TNPO3: variants seen among roughly 807,000 people sequenced by gnomAD.
TNPO3 encodes the protein transportin-3.
In TNPO3, 65 loss-of-function variants were observed where a neutral mutation model predicts 122.8. That is an observed-to-expected ratio of 0.53 (90% CI 0.43 to 0.65). TNPO3 has a LOEUF of 0.65. TNPO3 is among the 30% of genes least tolerant of loss of function. The pLI is 0.00. For missense variants in TNPO3, 850 were observed against 1,136.7 expected (o/e 0.75, Z 3.63); for synonymous variants, 372 against 411.2 (o/e 0.90, Z 1.15).
rs542470469 is a variant in TNPO3, at chr7:129,026,264, C to CA, written c.121-8108dup. 3.8e-3 allele frequency among the ~76,000 whole-genome samples: 583 copies of CA among 151,920 alleles called. 5 individuals carry two copies. Among genetic ancestry groups the CA allele is most frequent in the African/African-American group, 0.013 (544 of 41,452 alleles). On this transcript the variant is annotated intron_variant, in intron 1 of 22. Transcript: ENST00000265388. The stretch of plus-strand genomic sequence containing the variant: ...AGACCTCAAAAATGAAGGGCAGAAG[C>CA]AAAAAAACAAAACAATTACTTGCCC...
chr7:128,981,147 A>T (rs562705632), intron 14 of TNPO3, among the ~76,000 whole-genome samples: 2 of 152,344 alleles, frequency 1.3e-5, no homozygotes, highest in South Asian at 4.1e-4. Context: ...AGGTTCTCAG[A>T]ATAGCATGTT....
Position 129,001,145 on chromosome 7 carries a change from G to C in TNPO3, c.786C>G (p.Asn262Lys). 1 of 1,614,146 alleles carries C rather than the reference G, an allele frequency of 6.2e-7. No individual in the cohort carries two copies. The highest frequency in any genetic ancestry group is 8.5e-7 in the Non-Finnish European group (1 of 1,180,014). ...GAAAAAGTTGCATGGCTAATGGCAA[G>C]TTAGTCTCCACATTCTCAATGGCAT... ...ALYAIENVETNLPLAMQLFQG... is the reference protein window; with the variant it reads ...ALYAIENVETKLPLAMQLFQG... The change falls in exon 6 of 23, where the codon AAC (asparagine) becomes AAG (lysine). Residue 262 changes from asparagine (N) to lysine (K), a missense_variant. Physicochemically the swap from Asn to Lys is moderately conservative, Grantham distance 94. Transcript: ENST00000265388.
chr7:129,040,121 G>A (rs1807187339), intron 1 of TNPO3, among the ~76,000 whole-genome samples: 1 of 152,002 alleles, frequency 6.6e-6, no homozygotes, highest in African/African-American at 2.4e-5. Context: ...CGGGCGTGGT[G>A]GTGCACACTT....
rs549849007 is a variant in TNPO3 at position 129,030,765 on chromosome 7, T to C, written c.121-12608A>G. 9.2e-5 allele frequency among the ~76,000 whole-genome samples: 14 copies of C among 152,280 alleles called. No homozygotes were observed. The South Asian group carries it at 1.4e-3, about 16-fold the overall frequency. On this transcript the variant is annotated intron_variant, in intron 1 of 22. Coordinates refer to ENST00000265388, the MANE Select transcript of TNPO3 (RefSeq NM_012470.4). ...GAAGACTAGGATATAGGTCACACAT[T>C]ATATATGTTCCTATGGAAACTATTT...
At chr7:129,008,019 C>G (rs1233587290) in intron 4 of TNPO3, among the ~76,000 whole-genome samples, 1 of 151,754 alleles carries the variant, frequency 6.6e-6, no homozygotes, top group African/African-American at 2.4e-5. Flanking sequence ...TGTGGTGGCA[C>G]GCACCTGTAA....
intron 14 of TNPO3, among the ~76,000 whole-genome samples, chr7:128,981,293 T>C (rs1799601498): frequency 1.3e-5 from 2 of 152,204 alleles, no homozygotes; most frequent in Non-Finnish European, 2.9e-5. Context: ...TACTATAACA[T>C]TCCAGTTATA....
chr7:128,957,143 G>T, intron 22 of TNPO3, 81 bp downstream of exon 22: 1 of 1,174,836 alleles, frequency 8.5e-7, no homozygotes. Flanking sequence ...TCCCATGATA[G>T]GCATTAAAAC....
intron 4 of TNPO3, among the ~76,000 whole-genome samples, chr7:129,008,892 C>G (rs1259419059): frequency 2.6e-5 from 4 of 152,212 alleles, no homozygotes; most frequent in Admixed American, 2.0e-4. Flanking sequence ...CTTGTACATT[C>G]TAACTATTGA....
At chr7:128,978,952 G>C in intron 16 of TNPO3, 31 bp downstream of exon 16, 1 of 1,612,308 alleles carries the variant, frequency 6.2e-7, no homozygotes, top group Non-Finnish European at 8.5e-7. Flanking sequence ...TCTGTACATG[G>C]AACACGTCCC....
At chr7:129,048,700 C>T (rs1420636750) in intron 1 of TNPO3, among the ~76,000 whole-genome samples, 1 of 150,952 alleles carries the variant, frequency 6.6e-6, no homozygotes, top group Non-Finnish European at 1.5e-5. Context: ...ATTAAAGGTG[C>T]TGAATATTGT....
chr7:128,963,470 T>C (rs773184418), intron 21 of TNPO3, among the ~76,000 whole-genome samples: 9 of 152,210 alleles, frequency 5.9e-5, no homozygotes, highest in Non-Finnish European at 2.9e-5. Context: ...AGAAGATTCA[T>C]AGTAAAAGCA....
chr7:128,992,097 A>T lies in TNPO3; in HGVS notation c.1267-7T>A. ...CTTTCAGAGTAGAATATAACTAGAGAAGAAGAGGTGGATTATGGATCCATT... is the reference window on the plus strand; with the variant it reads ...CTTTCAGAGTAGAATATAACTAGAGTAGAAGAGGTGGATTATGGATCCATT... On this transcript the variant is annotated splice_region_variant and splice_polypyrimidine_tract_variant and intron_variant, in intron 9 of 22. Transcript: ENST00000265388. 6.5e-7 allele frequency: 1 copy of T among 1,533,356 alleles called. No individual in the cohort carries two copies. The highest frequency in any genetic ancestry group is 8.9e-7 in the Non-Finnish European group (1 of 1,122,218). The allele number at this position is 1,533,356 out of a possible 1,614,324, so 95.0% of individuals were successfully genotyped here. A position where few individuals can be genotyped will look rare whatever the true frequency, so the allele number is the denominator to read the frequency against.
rs749607526 is a variant in TNPO3 at position 129,003,295 on chromosome 7, G to C, written c.696+1721C>G. 2.7e-3 allele frequency among the ~76,000 whole-genome samples: 213 copies of C among 79,924 alleles called. 1 individual carries two copies. The highest frequency in any genetic ancestry group is 4.5e-3 in the Non-Finnish European group (178 of 39,918). The allele number at this position is 79,924 out of a possible 152,430, so 52.4% of individuals were successfully genotyped here. ...TATATATGAAGTATTTTAATTTTTA[G>C]GGTTTTTTTTTTTTTTTTTTTTTAA... On this transcript the variant is annotated intron_variant, in intron 5 of 22. Coordinates refer to ENST00000265388, the MANE Select transcript of TNPO3 (RefSeq NM_012470.4).
chr7:128,958,385 C>T (rs980081899), intron 21 of TNPO3, among the ~76,000 whole-genome samples: 5 of 152,052 alleles, frequency 3.3e-5, no homozygotes, highest in South Asian at 2.1e-4. Context: ...CCTTGTGATC[C>T]GCCCGCCTCG....
At chr7:129,034,172 T>C (rs1208887049) in intron 1 of TNPO3, among the ~76,000 whole-genome samples, 26 of 152,236 alleles carry the variant, frequency 1.7e-4, no homozygotes, top group East Asian at 1.9e-4. Context: ...CACTAAAAGA[T>C]AAATACTGAA....
At chr7:128,985,615 A>G (rs1394803406) in intron 12 of TNPO3, among the ~76,000 whole-genome samples, 2 of 152,144 alleles carry the variant, frequency 1.3e-5, no homozygotes, top group Non-Finnish European at 2.9e-5. Flanking sequence ...AATAAATAAA[A>G]ATTGAAAACC....
rs748477746 is a variant in TNPO3 at position 128,986,754 on chromosome 7, T to C, written c.1665A>G (p.Pro555=). The change falls in exon 12 of 23, where the codon CCA becomes CCG. Residue 555 remains proline (P), a synonymous_variant. Transcript: ENST00000265388. The part of the protein sequence containing the change: ...ARSLDSFLLS[P]EAAVGLLKGT... Reference sequence around the variant, plus strand: ...CTTTTAGCAAGCCCACAGCAGCTTCTGGAGACAACAGGAAGGAATCGAGGG... The same window carrying C: ...CTTTTAGCAAGCCCACAGCAGCTTCCGGAGACAACAGGAAGGAATCGAGGG... 1.9e-6 allele frequency: 3 copies of C among 1,613,604 alleles called. No individual in the cohort carries two copies. In the Admixed American group the frequency reaches 5.0e-5, roughly 27 times the overall value.
At chr7:129,014,773 A>G (rs1049582766) in intron 4 of TNPO3, among the ~76,000 whole-genome samples, 2 of 152,214 alleles carry the variant, frequency 1.3e-5, no homozygotes, top group African/African-American at 4.8e-5. Flanking sequence ...CATAAAAGAG[A>G]TAACGTCACC....
rs1165762837 is a variant in TNPO3, at chr7:129,041,810, CA to C, written c.120+12840del. ...GAACAGGCCTTTATATCAGTCTTTT[CA>C]AAAGATATTTCCATGACTATGTGAT... On this transcript the variant is annotated intron_variant, in intron 1 of 22. Transcript: ENST00000265388. The C allele has an allele frequency of 9.1e-6, 8 of 881,696 alleles. No individual in the cohort carries two copies. In the South Asian group the frequency reaches 4.2e-4, roughly 46 times the overall value. 54.6% of individuals were successfully genotyped at this position (881,696 alleles called of 1,614,324 possible). A position where few individuals can be genotyped will look rare whatever the true frequency, so the allele number is the denominator to read the frequency against.
Sources: gnomAD v4.1 joint callset for allele counts (sites outside exome capture counted in the v4.1 genomes callset) on GRCh38, gnomAD v4.1.1 for gene constraint, MANE v1.5 for transcripts, NCBI Gene and HGNC (gene_info 2026-07-23, HGNC 2026-07-21) for gene names.